Variants in RANBP2 observed in about 807,000 individuals in gnomAD.
RANBP2 encodes E3 SUMO-protein ligase RanBP2.
In RANBP2, 57 loss-of-function variants were observed where a neutral mutation model predicts 303.6. That is an observed-to-expected ratio of 0.19 (90% CI 0.15 to 0.23). The LOEUF (loss-of-function observed/expected upper bound fraction) is 0.23. RANBP2 is among the 10% of genes least tolerant of loss of function. The pLI, the probability that RANBP2 is intolerant of heterozygous loss-of-function variation, is 1.00. For missense variants in RANBP2, 3,138 were observed against 3,780.8 expected (o/e 0.83, Z 4.46); for synonymous variants, 1,167 against 1,301.5 (o/e 0.90, Z 2.23).
intron 1 of RANBP2, among the ~76,000 whole-genome samples, chr2:108,721,557 C>CA (rs1694248045): frequency 6.6e-6 from 1 of 152,158 alleles, no homozygotes; most frequent in Admixed American, 6.5e-5. Flanking sequence ...GCTCCCACCT[C>CA]AGTCTCCCGA....
the RANBP2 span, chr2:108,856,609 C>G: frequency 1.2e-5 from 2 of 161,762 alleles, no homozygotes; most frequent in African/African-American, 4.8e-5. Flanking sequence ...ATAATGTCTC[C>G]TCTCTCCTTA....
chr2:109,211,290 A>G, the RANBP2 span, among the ~76,000 whole-genome samples: 26 of 152,352 alleles, frequency 1.7e-4, no homozygotes, highest in Middle Eastern at 3.4e-3. Flanking sequence ...GCAGCAAGGC[A>G]TTGGTTACAA....
chr2:108,985,736 G>T, the RANBP2 span, among the ~76,000 whole-genome samples: 8 of 152,312 alleles, frequency 5.3e-5, no homozygotes, highest in East Asian at 1.4e-3. Flanking sequence ...AGAGAGGGTA[G>T]CTTTGCTAAC....
At chr2:109,163,726 A>G in the RANBP2 span, among the ~76,000 whole-genome samples, 9 of 152,076 alleles carry the variant, frequency 5.9e-5, no homozygotes, top group Admixed American at 3.3e-4. Context: ...TGGAGACTTC[A>G]CGATTCCACA....
chr2:109,031,068 T>G, the RANBP2 span, among the ~76,000 whole-genome samples: 1 of 152,172 alleles, frequency 6.6e-6, no homozygotes, highest in Non-Finnish European at 1.5e-5. Context: ...GGGGACGCCA[T>G]GTGTGGAGAT....
At chr2:108,818,826 T>C in the RANBP2 span, among the ~76,000 whole-genome samples, 1 of 152,172 alleles carries the variant, frequency 6.6e-6, no homozygotes, top group Admixed American at 6.5e-5. Flanking sequence ...CTGACTTTTT[T>C]TTTTTTGTAT....
the RANBP2 span, among the ~76,000 whole-genome samples, chr2:109,068,719 C>T: frequency 1.3e-5 from 2 of 152,148 alleles, no homozygotes; most frequent in Non-Finnish European, 2.9e-5. Context: ...AGCTGTGTAG[C>T]TCTGGGAAAC....
At chr2:108,798,524 G>A in the RANBP2 span, 1 of 1,613,824 alleles carries the variant, frequency 6.2e-7, no homozygotes, top group East Asian at 2.2e-5. Context: ...ACATGAAAAT[G>A]CCTTGAGTAA....
intron 7 of RANBP2, among the ~76,000 whole-genome samples, chr2:108,741,111 A>G (rs1314317389): frequency 1.3e-5 from 2 of 152,196 alleles, no homozygotes; most frequent in Non-Finnish European, 1.5e-5. Context: ...GTTAATTGAA[A>G]CACATGTATA....
chr2:109,377,855 T>C, the RANBP2 span, among the ~76,000 whole-genome samples: 1 of 152,180 alleles, frequency 6.6e-6, no homozygotes, highest in Non-Finnish European at 1.5e-5. Context: ...AGGCTATTAT[T>C]TTGAACCTCT....
chr2:108,837,151 C>T, the RANBP2 span, among the ~76,000 whole-genome samples: 3 of 152,156 alleles, frequency 2.0e-5, no homozygotes, highest in African/African-American at 7.2e-5. Context: ...ATTCTTTTAC[C>T]TTCAGAGTGT....
At chr2:109,710,467 T>C in the RANBP2 span, among the ~76,000 whole-genome samples, 1 of 151,936 alleles carries the variant, frequency 6.6e-6, no homozygotes, top group African/African-American at 2.4e-5. Flanking sequence ...TTGTGTGAAA[T>C]TGTGGCTTTA....
the RANBP2 span, among the ~76,000 whole-genome samples, chr2:108,947,517 T>C: frequency 1.3e-5 from 2 of 152,182 alleles, no homozygotes; most frequent in African/African-American, 2.4e-5. Context: ...TGCCTGGACA[T>C]CCAGGCATTT....
At chr2:109,328,863 T>C in the RANBP2 span, among the ~76,000 whole-genome samples, 1 of 152,180 alleles carries the variant, frequency 6.6e-6, no homozygotes, top group Non-Finnish European at 1.5e-5. Context: ...GTGTCAAATA[T>C]ATCCCTGGAC....
At chr2:109,714,511 AG>A in the RANBP2 span, among the ~76,000 whole-genome samples, 9 of 152,120 alleles carry the variant, frequency 5.9e-5, no homozygotes, top group Admixed American at 4.6e-4. Flanking sequence ...CATATTGGCC[AG>A]GATGGTCTTG....
At chr2:109,631,759 A>G in the RANBP2 span, among the ~76,000 whole-genome samples, 1 of 150,534 alleles carries the variant, frequency 6.6e-6, no homozygotes, top group Admixed American at 6.6e-5. Context: ...TCAGTCTAAA[A>G]AAAAAAGAAA....
chr2:109,084,438 C>T, the RANBP2 span, among the ~76,000 whole-genome samples: 2 of 152,304 alleles, frequency 1.3e-5, no homozygotes, highest in Admixed American at 1.3e-4. Flanking sequence ...TTGCTGTAAG[C>T]ACTGGATGAT....
At chr2:109,799,257 G>C in the RANBP2 span, among the ~76,000 whole-genome samples, 4 of 137,318 alleles carry the variant, frequency 2.9e-5, no homozygotes, top group Admixed American at 7.2e-5. Flanking sequence ...AAAAAAAAAG[G>C]AAGGGGGGAA....
At chr2:109,594,834 G>C in the RANBP2 span, 1 of 151,882 alleles carries the variant, frequency 6.6e-6, no homozygotes, top group Non-Finnish European at 1.5e-5. Flanking sequence ...ACAATCTTTT[G>C]CTGGTACATT....
Sources: allele counts gnomAD v4.1 joint callset (sites outside exome capture counted in the v4.1 genomes callset), GRCh38; gene constraint gnomAD v4.1.1; transcripts MANE v1.5; gene names NCBI Gene and HGNC (gene_info 2026-07-23, HGNC 2026-07-21).